The following BNC2 variants were observed in gnomAD, a reference collection of about 807,000 sequenced individuals.
BNC2 encodes zinc finger protein basonuclin-2.
A neutral mutation model predicts 76.3 loss-of-function variants in BNC2; 20 were observed. The ratio of observed to expected loss-of-function variants is 0.26; its 90% CI spans 0.18 to 0.38. The LOEUF is 0.38. BNC2 is among the 10% of genes least tolerant of loss of function. The pLI is 1.00. For synonymous variants in BNC2, 582 were observed against 514.8 expected, an observed-to-expected ratio of 1.13 and a Z score of -1.77; for missense variants, 1,382 against 1,399.8, an observed-to-expected ratio of 0.99 and a Z score of 0.20.
At chr9:16,700,086 G>C (rs1046288769) in intron 3 of BNC2, among the ~76,000 whole-genome samples, 2 of 152,226 alleles carry the variant, frequency 1.3e-5, no homozygotes, top group South Asian at 4.1e-4. Context: ...TAATAGATAT[G>C]CTATAATGTG....
intron 5 of BNC2, among the ~76,000 whole-genome samples, chr9:16,529,346 C>T (rs529438735): frequency 6.6e-5 from 10 of 152,142 alleles, no homozygotes; most frequent in Non-Finnish European, 1.2e-4. Context: ...AGAATGAATC[C>T]ATTTACTAAT....
At position 16,607,824 on chromosome 9, in the gene BNC2, A is replaced by C. The variant is rs368959471; in HGVS notation, c.331-24739T>G. The stretch of plus-strand genomic sequence containing the variant: ...CTAGTGACCTAACTTATAGATTAAC[A>C]AAATTGATCTCTTTTTTAAAAACAC... On this transcript the variant is annotated intron_variant, in intron 3 of 6. Coordinates refer to ENST00000380672, the MANE Select transcript of BNC2 (RefSeq NM_017637.6). Among the ~76,000 whole-genome samples the C allele has an allele frequency of 1.8e-4, 28 of 152,352 alleles. No individual in the cohort carries two copies. The East Asian group carries it at 5.0e-3, about 27-fold the overall frequency.
At chr9:16,767,927 A>G (rs1304668124) in intron 1 of BNC2, among the ~76,000 whole-genome samples, 2 of 152,054 alleles carry the variant, frequency 1.3e-5, no homozygotes, top group African/African-American at 2.4e-5. Context: ...GACATGCTCA[A>G]ATCTATCAGG....
chr9:16,474,279 T>C (rs997283367), intron 5 of BNC2, among the ~76,000 whole-genome samples: 1 of 152,198 alleles, frequency 6.6e-6, no homozygotes, highest in South Asian at 2.1e-4. Flanking sequence ...AATCACTATA[T>C]GTTGTTTTTT....
At chr9:16,479,477 C>A (rs1433854903) in intron 5 of BNC2, among the ~76,000 whole-genome samples, 1 of 152,006 alleles carries the variant, frequency 6.6e-6, no homozygotes, top group Non-Finnish European at 1.5e-5. Flanking sequence ...GGTATAAGAG[C>A]CTTCCTCTTC....
At chr9:16,463,279 T>C (rs928366450) in intron 5 of BNC2, among the ~76,000 whole-genome samples, 1 of 149,118 alleles carries the variant, frequency 6.7e-6, no homozygotes, top group Non-Finnish European at 1.5e-5. Flanking sequence ...ACTGTGAGCA[T>C]ACAAGTATTA....
chr9:16,546,125 C>T (rs764308619), intron 5 of BNC2, among the ~76,000 whole-genome samples: 2 of 152,148 alleles, frequency 1.3e-5, no homozygotes, highest in East Asian at 3.9e-4. Flanking sequence ...TATAATTACT[C>T]AGAGTTAACT....
chr9:16,786,003 C>A (rs770756716), intron 1 of BNC2, among the ~76,000 whole-genome samples: 1 of 151,928 alleles, frequency 6.6e-6, no homozygotes, highest in Non-Finnish European at 1.5e-5. Flanking sequence ...AGAGGGTAGT[C>A]TCGGGAACCA....
At chr9:16,829,208 T>C (rs1215394363) in intron 1 of BNC2, among the ~76,000 whole-genome samples, 1 of 152,210 alleles carries the variant, frequency 6.6e-6, no homozygotes, top group Non-Finnish European at 1.5e-5. Flanking sequence ...ACAACATGAA[T>C]GCTGAGGAAG....
intron 5 of BNC2, among the ~76,000 whole-genome samples, chr9:16,517,684 T>C (rs1414070474): frequency 6.6e-6 from 1 of 152,200 alleles, no homozygotes; most frequent in Non-Finnish European, 1.5e-5. Flanking sequence ...GTTTACTTCC[T>C]TCCTCCAAAG....
chr9:16,442,103 C>T (rs1168017306), intron 5 of BNC2, among the ~76,000 whole-genome samples: 2 of 152,084 alleles, frequency 1.3e-5, no homozygotes, highest in Non-Finnish European at 2.9e-5. Flanking sequence ...TGACTTTTAA[C>T]CCTTCAGGTT....
chr9:16,582,731 A>G (rs1262823935), intron 4 of BNC2, among the ~76,000 whole-genome samples: 7 of 152,214 alleles, frequency 4.6e-5, no homozygotes, highest in Non-Finnish European at 1.0e-4. Context: ...AGAACTTCAC[A>G]GCCCAACTGT....
At position 16,727,896 on chromosome 9, in the gene BNC2, G is replaced by C. The variant is rs1563917361; in HGVS notation, c.231C>G (p.Asn77Lys). Residue 77 changes from asparagine (N) to lysine (K), a missense_variant, in exon 3 of 7, where the codon AAC (asparagine) becomes AAG (lysine). By Grantham distance (94) the Asn-to-Lys change is moderately conservative (BLOSUM62 0). Coordinates refer to ENST00000380672, the MANE Select transcript of BNC2 (RefSeq NM_017637.6). ...DLTLRDSCTDNSMQFGTRTTT... is the reference protein window; with the variant it reads ...DLTLRDSCTDKSMQFGTRTTT... The stretch of plus-strand genomic sequence containing the variant: ...TCGTTCTGGTTCCGAACTGCATGGA[G>C]TTGTCAGTACAGGAGTCTCTTAAAG... 1.2e-6 allele frequency: 2 copies of C among 1,614,178 alleles called. No individual in the cohort carries two copies. Among genetic ancestry groups the C allele is most frequent in the Non-Finnish European group, 8.5e-7 (1 of 1,180,038 alleles).
At chr9:16,852,355 T>C (rs962823304) in intron 1 of BNC2, among the ~76,000 whole-genome samples, 2 of 152,174 alleles carry the variant, frequency 1.3e-5, no homozygotes, top group African/African-American at 4.8e-5. Flanking sequence ...CTATTCCAAC[T>C]GAGCTAAGCA....
At chr9:16,782,351 G>A (rs972709738) in intron 1 of BNC2, among the ~76,000 whole-genome samples, 4 of 151,882 alleles carry the variant, frequency 2.6e-5, no homozygotes, top group Non-Finnish European at 4.4e-5. Flanking sequence ...GAATAAATGA[G>A]TATTTCTATC....
At chr9:16,859,818 C>T (rs929839585) in intron 1 of BNC2, among the ~76,000 whole-genome samples, 3 of 152,148 alleles carry the variant, frequency 2.0e-5, no homozygotes, top group Non-Finnish European at 4.4e-5. Flanking sequence ...CTGAACTGTA[C>T]ACTTAAAAAT....
chr9:16,558,687 T>C (rs978878710), intron 4 of BNC2, among the ~76,000 whole-genome samples: 1 of 152,050 alleles, frequency 6.6e-6, no homozygotes, highest in Non-Finnish European at 1.5e-5. Context: ...TCCCAGCACT[T>C]TGGGAGGTTG....
chr9:16,722,450 T>C (rs1824185369), intron 3 of BNC2, among the ~76,000 whole-genome samples: 1 of 152,188 alleles, frequency 6.6e-6, no homozygotes, highest in South Asian at 2.1e-4. Flanking sequence ...TGAATGTGAA[T>C]ATACACTCAT....
At chr9:16,723,640 A>G (rs1824232429) in intron 3 of BNC2, among the ~76,000 whole-genome samples, 1 of 152,124 alleles carries the variant, frequency 6.6e-6, no homozygotes, top group Non-Finnish European at 1.5e-5. Context: ...TAGCAATGTT[A>G]TTATACATTT....
Sources: allele counts gnomAD v4.1 joint callset (sites outside exome capture counted in the v4.1 genomes callset), GRCh38; gene constraint gnomAD v4.1.1; transcripts MANE v1.5; gene names NCBI Gene and HGNC (gene_info 2026-07-23, HGNC 2026-07-21).